Variants in CDH13 observed in about 807,000 individuals in gnomAD.
CDH13 encodes the protein cadherin 13.
CDH13 carries 24 observed loss-of-function variants against 63.8 expected under a neutral mutation model. The observed-to-expected ratio is 0.38, with a 90% CI of 0.27 to 0.53. The LOEUF (loss-of-function observed/expected upper bound fraction) is 0.53, where lower values mean the gene tolerates loss of function less well. CDH13 is among the 20% of genes least tolerant of loss of function. The pLI is 0.85. For missense variants in CDH13, 1,049 were observed against 903.1 expected, an observed-to-expected ratio of 1.16 and a Z score of -2.07; for synonymous variants, 503 against 355.3, an observed-to-expected ratio of 1.42 and a Z score of -4.67.
intron 7 of CDH13, among the ~76,000 whole-genome samples, chr16:83,524,374 G>A (rs2074907794): frequency 6.7e-6 from 1 of 150,198 alleles, no homozygotes; most frequent in South Asian, 2.1e-4. Context: ...GGAGCAGGAA[G>A]TTCACACAGG....
chr16:83,357,409 T>C (rs2091076679), intron 6 of CDH13, among the ~76,000 whole-genome samples: 2 of 152,198 alleles, frequency 1.3e-5, no homozygotes, highest in South Asian at 2.1e-4. Context: ...CATTCAAAAA[T>C]GTCTGCGTAG....
At chr16:82,628,082 G>A (rs2150861000) in intron 1 of CDH13, among the ~76,000 whole-genome samples, 1 of 152,344 alleles carries the variant, frequency 6.6e-6, no homozygotes, top group South Asian at 2.1e-4. Context: ...TTTGAGTGCA[G>A]GAAAGCAGCG....
intron 7 of CDH13, among the ~76,000 whole-genome samples, chr16:83,493,513 A>C (rs2074066997): frequency 6.6e-6 from 1 of 152,130 alleles, no homozygotes; most frequent in Non-Finnish European, 1.5e-5. Flanking sequence ...GTTCAAACCG[A>C]ACCTTGATGG....
intron 10 of CDH13, among the ~76,000 whole-genome samples, chr16:83,733,660 G>T (rs1436026599): frequency 6.6e-6 from 1 of 152,152 alleles, no homozygotes; most frequent in Non-Finnish European, 1.5e-5. Context: ...AGAGACCCAG[G>T]TGCCAGAGCA....
At chr16:83,758,017 T>A (rs1450619119) in intron 11 of CDH13, among the ~76,000 whole-genome samples, 1 of 151,260 alleles carries the variant, frequency 6.6e-6, no homozygotes, top group East Asian at 1.9e-4. Flanking sequence ...TAATCCCAGC[T>A]GCACTCTGTC....
At chr16:83,487,207 T>G (rs915077687) in intron 7 of CDH13, among the ~76,000 whole-genome samples, 1 of 152,244 alleles carries the variant, frequency 6.6e-6, no homozygotes, top group Admixed American at 6.5e-5. Flanking sequence ...CACAAACAGG[T>G]GACCCCTGGC....
At chr16:82,768,913 G>A (rs1240249930) in intron 1 of CDH13, among the ~76,000 whole-genome samples, 1 of 152,174 alleles carries the variant, frequency 6.6e-6, no homozygotes, top group Non-Finnish European at 1.5e-5. Flanking sequence ...TTTTGAGTTA[G>A]TTAGCAGGTC....
At chr16:83,388,347 G>A (rs146100790) in intron 6 of CDH13, among the ~76,000 whole-genome samples, 1 of 152,066 alleles carries the variant, frequency 6.6e-6, no homozygotes, top group East Asian at 1.9e-4. Context: ...CAACTACTTG[G>A]GAGGCTGAGG....
At chr16:82,885,178 G>C (rs937889296) in intron 2 of CDH13, among the ~76,000 whole-genome samples, 1 of 152,112 alleles carries the variant, frequency 6.6e-6, no homozygotes, top group Non-Finnish European at 1.5e-5. Context: ...AGTATATTAT[G>C]AGCACTACTC....
At chr16:83,789,984 G>T (rs538371524) in intron 13 of CDH13, 6 of 151,722 alleles carry the variant, frequency 4.0e-5, no homozygotes, top group South Asian at 2.1e-4. Context: ...TAAAACTTCA[G>T]TGTGATGTAG....
chr16:83,260,411 A>G (rs534446262), intron 5 of CDH13, among the ~76,000 whole-genome samples: 308 of 152,290 alleles, frequency 2.0e-3, no homozygotes, highest in Non-Finnish European at 3.2e-3. Context: ...TTTTATTAGT[A>G]TCTATTTCTC....
At chr16:83,471,953 T>C (rs543267470) in intron 6 of CDH13, among the ~76,000 whole-genome samples, 8 of 152,318 alleles carry the variant, frequency 5.3e-5, no homozygotes, top group Admixed American at 4.6e-4. Flanking sequence ...ACTTTGGTTT[T>C]AAAAAATATC....
intron 7 of CDH13, among the ~76,000 whole-genome samples, chr16:83,562,874 C>A (rs772296104): frequency 1.3e-5 from 2 of 152,124 alleles, no homozygotes; most frequent in Non-Finnish European, 2.9e-5. Flanking sequence ...CTATAAAGGA[C>A]CCTGAGTACT....
chr16:83,474,138 C>T (rs910974761), intron 6 of CDH13, among the ~76,000 whole-genome samples: 10 of 152,048 alleles, frequency 6.6e-5, no homozygotes, highest in Non-Finnish European at 1.3e-4. Context: ...ATCTAATTAC[C>T]CTGGCAGGGC....
chr16:83,220,517 C>T lies in CDH13; in HGVS notation c.636+3020C>T, dbSNP rs117005672. Among the ~76,000 whole-genome samples the T allele has an allele frequency of 9.5e-3, 1,444 of 151,860 alleles. 11 individuals carry two copies. Among genetic ancestry groups the T allele is most frequent in the Non-Finnish European group, 0.015 (1,027 of 67,968 alleles). On this transcript the variant is annotated intron_variant, in intron 5 of 13. Transcript: ENST00000567109. ...CTTGCAAGTTTAAAAAGGAGAGAGC[C>T]GGGTGCAGCACACCAACATGGCTCA...
intron 2 of CDH13, among the ~76,000 whole-genome samples, chr16:82,965,759 C>A (rs1005431459): frequency 1.3e-5 from 2 of 152,168 alleles, no homozygotes; most frequent in Non-Finnish European, 2.9e-5. Context: ...TCCCAAAGTG[C>A]TGGGATTACA....
intron 5 of CDH13, among the ~76,000 whole-genome samples, chr16:83,285,474 T>G (rs139891897): frequency 0.022 from 3,284 of 151,472 alleles, 61 homozygotes; most frequent in Middle Eastern, 0.068. Context: ...GTCACAGATA[T>G]CCACAGGTTC....
At chr16:82,847,576 A>G (rs1194501073) in intron 1 of CDH13, among the ~76,000 whole-genome samples, 1 of 152,230 alleles carries the variant, frequency 6.6e-6, no homozygotes, top group African/African-American at 2.4e-5. Flanking sequence ...ACGTGATTAC[A>G]TAATCCAGGA....
At chr16:82,637,622 A>T (rs1908833397) in intron 1 of CDH13, 1 of 149,526 alleles carries the variant, frequency 6.7e-6, no homozygotes. Context: ...TATTTTTAGT[A>T]GAGACGGGTT....
Sources: allele counts gnomAD v4.1 joint callset (sites outside exome capture counted in the v4.1 genomes callset), GRCh38; gene constraint gnomAD v4.1.1; transcripts MANE v1.5; gene names NCBI Gene and HGNC (gene_info 2026-07-23, HGNC 2026-07-21).